Variants in CELSR3 observed in about 807,000 individuals in gnomAD.
CELSR3 encodes EGF-like protein 1.
A neutral mutation model predicts 270.0 loss-of-function variants in CELSR3; 73 were observed. The ratio of observed to expected loss-of-function variants is 0.27; its 90% CI spans 0.22 to 0.33. The LOEUF (loss-of-function observed/expected upper bound fraction) is 0.33. CELSR3 is among the 10% of genes least tolerant of loss of function. The pLI, the probability that CELSR3 is intolerant of heterozygous loss-of-function variation, is 1.00. For missense variants in CELSR3, 3,614 were observed against 4,533.8 expected, an observed-to-expected ratio of 0.80 and a Z score of 5.83; for synonymous variants, 1,780 against 1,905.4, an observed-to-expected ratio of 0.93 and a Z score of 1.71.
chr3:48,648,878 C>A lies in CELSR3; in HGVS notation c.6618G>T (p.Lys2206Asn). ...CCTCCCGTAGCCGCTGAGCCAGCTT[C>A]TTGGCCTCCATGGTATCCAGTGCCG... is the stretch of plus-strand genomic sequence containing the variant. ...NKTALDTMEAKKLAQRLREVT... is the reference protein window; with the variant it reads ...NKTALDTMEANKLAQRLREVT... Residue 2206 changes from lysine (K) to asparagine (N), a missense_variant, in exon 18 of 35, where the codon AAG (lysine) becomes AAT (asparagine). This residue lies in a region of CELSR3 where 1,331 missense variants were observed against 1,933.7 expected (regional missense o/e 0.69). Coordinates refer to ENST00000164024, the MANE Select transcript of CELSR3 (RefSeq NM_001407.3). 1 of 1,612,916 alleles carries A rather than the reference C, an allele frequency of 6.2e-7. No individual in the cohort carries two copies. The highest frequency in any genetic ancestry group is 8.5e-7 in the Non-Finnish European group (1 of 1,180,012).
At position 48,639,533 on chromosome 3, in the gene CELSR3, C is replaced by T. The variant is rs2047002554; in HGVS notation, c.9911+141G>A. The T allele has an allele frequency of 8.9e-7, 1 of 1,124,344 alleles. No homozygotes were observed. The highest frequency in any genetic ancestry group is 1.5e-5 in the South Asian group (1 of 65,360). 69.6% of individuals were successfully genotyped at this position (1,124,344 alleles called of 1,614,324 possible). A position where few individuals can be genotyped will look rare whatever the true frequency, so the allele number is the denominator to read the frequency against. On this transcript the variant is annotated intron_variant, in intron 34 of 34. Transcript: ENST00000164024. This position sits in a 1 kb window ranked among gnomAD's most constrained non-coding sequence, Gnocchi z 4.1. Reference sequence around the variant, plus strand: ...CCAGATTCCTGTCCCCAGCCTGTGGCCCTCTGGCTGTGCTGAGCCTGGGGT... The same window carrying T: ...CCAGATTCCTGTCCCCAGCCTGTGGTCCTCTGGCTGTGCTGAGCCTGGGGT...
Position 48,640,186 on chromosome 3 carries a change from G to A in CELSR3, c.9399C>T (p.Ala3133=). Residue 3133 remains alanine (A), a synonymous_variant, in exon 34 of 35, where the codon GCC becomes GCT. Coordinates refer to ENST00000164024, the MANE Select transcript of CELSR3 (RefSeq NM_001407.3). The surrounding 1 kb of genome is among the most constrained non-coding windows in gnomAD (Gnocchi z 7.5). ...RRQPPRDYPG[A]MAGRFGSRDA... is the part of the protein sequence containing the mutation. The stretch of plus-strand genomic sequence containing the variant: ...CCCGTGACCCGAAGCGGCCAGCCAT[G>A]GCGCCAGGGTAGTCCCGAGGTGGCT... 1.2e-6 allele frequency: 2 copies of A among 1,612,758 alleles called. No homozygotes were observed. Among genetic ancestry groups the A allele is most frequent in the Non-Finnish European group, 1.7e-6 (2 of 1,179,956 alleles).
rs376842368 is a variant in CELSR3, at chr3:48,648,933, C to A, written c.6568-5G>T. On this transcript the variant is annotated splice_region_variant and splice_polypyrimidine_tract_variant and intron_variant, in intron 17 of 34. Transcript: ENST00000164024. ...GTTCAGCTCTAGGCCATCCAGCTGC[C>A]AAGACAAGGAGATGGTTGCTCTGTG... 6.2e-7 allele frequency: 1 copy of A among 1,612,614 alleles called. No individual in the cohort carries two copies. Among genetic ancestry groups the A allele is most frequent in the South Asian group, 1.1e-5 (1 of 91,056 alleles).
At position 48,659,501 on chromosome 3, in the gene CELSR3, G is replaced by A; in HGVS notation, c.3134C>T (p.Pro1045Leu). 1.2e-6 allele frequency: 2 copies of A among 1,614,148 alleles called. No homozygotes were observed. The highest frequency in any genetic ancestry group is 1.7e-5 in the Admixed American group (1 of 60,018). The change falls in exon 1 of 35, where the codon CCC (proline) becomes CTC (leucine). Residue 1045 changes from proline (P) to leucine (L), a missense_variant. Physicochemically the swap from Pro to Leu is moderately conservative, Grantham distance 98. This residue lies in a region of CELSR3 where 1,331 missense variants were observed against 1,933.7 expected (regional missense o/e 0.69). Transcript: ENST00000164024. This position sits in a 1 kb window ranked among gnomAD's most constrained non-coding sequence, Gnocchi z 8.1. ...GATACTGACTGGAGTCCGGAGTGGG[G>A]GCACACCTCTGTCCACTGCGTAGGC... ...LTAYAVDRGVPPLRTPVSIQV... is the reference protein window; with the variant it reads ...LTAYAVDRGVLPLRTPVSIQV...
At chr3:48,648,507 G>A (rs1215511218) in intron 18 of CELSR3, 46 bp from the exon 19 acceptor site, 1 of 1,483,292 alleles carries the variant, frequency 6.7e-7, no homozygotes, top group Non-Finnish European at 8.9e-7. Flanking sequence ...TGGTGAGGAT[G>A]TATGAGGGGA....
At chr3:48,648,155 A>G in intron 19 of CELSR3, 111 bp downstream of exon 19, 1 of 1,412,240 alleles carries the variant, frequency 7.1e-7, no homozygotes, top group Admixed American at 1.9e-5. Context: ...GCGGTGGCTG[A>G]GTCTCCTGCC....
rs996323780 is a variant in CELSR3 at position 48,655,682 on chromosome 3, C to T, written c.4741+54G>A. ...GAAGCAAACCTGAGGGGACTTGGGC[C>T]CTGCGTCCTCCAGCACACACGCACC... On this transcript the variant is annotated intron_variant, in intron 4 of 34. Coordinates refer to ENST00000164024, the MANE Select transcript of CELSR3 (RefSeq NM_001407.3). The surrounding 1 kb of genome is among the most constrained non-coding windows in gnomAD (Gnocchi z 5.8). The T allele has an allele frequency of 1.0e-5, 15 of 1,464,828 alleles. No individual in the cohort carries two copies. Among genetic ancestry groups the T allele is most frequent in the Middle Eastern group, 1.7e-4 (1 of 5,786 alleles). The allele number at this position is 1,464,828 out of a possible 1,614,324, so 90.7% of individuals were successfully genotyped here. A position where few individuals can be genotyped will look rare whatever the true frequency, so the allele number is the denominator to read the frequency against.
chr3:48,648,504 G>A, intron 18 of CELSR3, 43 bp from the exon 19 acceptor site: 1 of 1,485,460 alleles, frequency 6.7e-7, no homozygotes, highest in East Asian at 2.5e-5. Context: ...AGGTGGTGAG[G>A]ATGTATGAGG....
chr3:48,646,244 G>A lies in CELSR3; in HGVS notation c.7309C>T (p.Pro2437Ser). The A allele has an allele frequency of 6.2e-7, 1 of 1,611,336 alleles. No homozygotes were observed. Among genetic ancestry groups the A allele is most frequent in the Non-Finnish European group, 8.5e-7 (1 of 1,178,946 alleles). ...CTGACCACCGGGGAGTTCATGACGG[G>A]GTTCTGAGGAAGCCTGGGGAGACAC... ...ERRGARLPQN[P>S]VMNSPVVSVA... Residue 2437 changes from proline (P) to serine (S), a missense_variant, in exon 22 of 35, where the codon CCC becomes TCC. Physicochemically the swap from Pro to Ser is moderately conservative, Grantham distance 74. Around this residue, in one of 7 missense-constraint regions of CELSR3, gnomAD observed 1,240 missense variants for 1,351.7 expected, o/e 0.92. Transcript: ENST00000164024. The surrounding 1 kb of genome is among the most constrained non-coding windows in gnomAD (Gnocchi z 4.8).
chr3:48,643,019 G>A lies in CELSR3; in HGVS notation c.8354C>T (p.Ala2785Val). 4 of 1,612,872 alleles carry A rather than the reference G, an allele frequency of 2.5e-6. 1 individual carries two copies. The South Asian group carries it at 3.3e-5, about 13-fold the overall frequency. Residue 2785 changes from alanine to valine, a missense_variant, in exon 29 of 35, where the codon GCC (alanine) becomes GTC (valine). By Grantham distance (64) the Ala-to-Val change is moderately conservative. Coordinates refer to ENST00000164024, the MANE Select transcript of CELSR3 (RefSeq NM_001407.3). Reference sequence around the variant, plus strand: ...AGGCGCTGCCTTCCTGCCCAGACAGGCTGGCATCCAGGCAGCCCGAGCATC... The same window carrying A: ...AGGCGCTGCCTTCCTGCCCAGACAGACTGGCATCCAGGCAGCCCGAGCATC... ...NADARAAWMP[A>V]CLGRKAAPEE...
At position 48,661,251 on chromosome 3, in the gene CELSR3, C is replaced by G; in HGVS notation, c.1384G>C (p.Ala462Pro). 1 of 1,608,784 alleles carries G rather than the reference C, an allele frequency of 6.2e-7. No individual in the cohort carries two copies. The highest frequency in any genetic ancestry group is 8.5e-7 in the Non-Finnish European group (1 of 1,176,878). Residue 462 changes from alanine to proline, a missense_variant, in exon 1 of 35, where the codon GCG (alanine) becomes CCG (proline). Coordinates refer to ENST00000164024, the MANE Select transcript of CELSR3 (RefSeq NM_001407.3). ...TAGCGCAGGTTGGCGTTGGGGGGCG[C>G]GTCGCCGTCAGTGGCACGCAGCTGC... ...ILQLRATDGD[A>P]PPNANLRYRF...
At chr3:48,647,777 A>C in intron 20 of CELSR3, 64 bp downstream of exon 20, 1 of 1,541,050 alleles carries the variant, frequency 6.5e-7, no homozygotes, top group Non-Finnish European at 8.8e-7. Flanking sequence ...GGAGGGCAAC[A>C]TAGTATCTGG....
At position 48,642,486 on chromosome 3, in the gene CELSR3, C is replaced by A. The variant is rs1170566922; in HGVS notation, c.8556-19G>T. ...ATTGTCCCTGGAAAAGCAGGAGCCC[C>A]CCCACCATGAAAGAGGGATGTGATG... On this transcript the variant is annotated intron_variant, in intron 30 of 34. Transcript: ENST00000164024. The surrounding 1 kb of genome is among the most constrained non-coding windows in gnomAD (Gnocchi z 6.1). 1 of 1,608,126 alleles carries A rather than the reference C, an allele frequency of 6.2e-7. No individual in the cohort carries two copies. Among genetic ancestry groups the A allele is most frequent in the Admixed American group, 1.7e-5 (1 of 59,300 alleles).
chr3:48,638,149 T>G lies in CELSR3; in HGVS notation c.*56A>C. 2 of 1,534,564 alleles carry G rather than the reference T, an allele frequency of 1.3e-6. No individual in the cohort carries two copies. The highest frequency in any genetic ancestry group is 1.8e-6 in the Non-Finnish European group (2 of 1,108,040). ...CTGCCCCCACTCCTGGAGTCTCTCCTGTTAGCCTAGATCCTCTGTCGCCCT... is the reference window on the plus strand; with the variant it reads ...CTGCCCCCACTCCTGGAGTCTCTCCGGTTAGCCTAGATCCTCTGTCGCCCT... On this transcript the variant is annotated 3_prime_UTR_variant, in exon 35 of 35. Transcript: ENST00000164024.
At position 48,644,438 on chromosome 3, in the gene CELSR3, G is replaced by T. The variant is rs1441183936; in HGVS notation, c.8086-143C>A. On this transcript the variant is annotated intron_variant, in intron 26 of 34. Coordinates refer to ENST00000164024, the MANE Select transcript of CELSR3 (RefSeq NM_001407.3). This position sits in a 1 kb window ranked among gnomAD's most constrained non-coding sequence, Gnocchi z 4.8. ...TCACACATATACACACACACCAAAG[G>T]AGCTTAGCATCACAGAAAAAGAAAT... 1 of 748,784 alleles carries T rather than the reference G, an allele frequency of 1.3e-6. No individual in the cohort carries two copies. The allele number at this position is 748,784 out of a possible 1,614,324, so 46.4% of individuals were successfully genotyped here.
chr3:48,646,951 T>C lies in CELSR3; in HGVS notation c.7130-23A>G. ...GAACTGCCAGGAGAGAAGGAGGAGC[T>C]TCTGTCAGTGACCTTTGACCCAAAG... On this transcript the variant is annotated intron_variant, in intron 20 of 34. Transcript: ENST00000164024. The surrounding 1 kb of genome is among the most constrained non-coding windows in gnomAD (Gnocchi z 4.8). 6.7e-7 allele frequency: 1 copy of C among 1,499,326 alleles called. No homozygotes were observed. 92.9% of individuals were successfully genotyped at this position (1,499,326 alleles called of 1,614,324 possible).
Position 48,646,746 on chromosome 3 carries a change from G to C in CELSR3, c.7295+17C>G, listed in dbSNP as rs779422211. On this transcript the variant is annotated intron_variant, in intron 21 of 34. Transcript: ENST00000164024. The surrounding 1 kb of genome is among the most constrained non-coding windows in gnomAD (Gnocchi z 4.8). ...TGAGAAGTTCGTAGGAAGCTCAGGGGTGAGGGGCCTGAGTACCTGGCACCT... is the reference window on the plus strand; with the variant it reads ...TGAGAAGTTCGTAGGAAGCTCAGGGCTGAGGGGCCTGAGTACCTGGCACCT... 6.2e-7 allele frequency: 1 copy of C among 1,605,610 alleles called. No homozygotes were observed. Among genetic ancestry groups the C allele is most frequent in the Non-Finnish European group, 8.5e-7 (1 of 1,177,276 alleles).
In CELSR3 at chr3:48,653,115, C is replaced by A; in HGVS notation, c.5521G>T (p.Val1841Leu). ...GRASHLLLDQ[V>L]TVSDGRWHDL... ...TGCCACCGGCCATCACTGACAGTCACCTGGTCCAGAAGGAGATGGGAAGCA... is the reference window on the plus strand; with the variant it reads ...TGCCACCGGCCATCACTGACAGTCAACTGGTCCAGAAGGAGATGGGAAGCA... The change falls in exon 10 of 35, where the codon GTG (valine) becomes TTG (leucine). Residue 1841 changes from valine (V) to leucine (L), a missense_variant. Transcript: ENST00000164024. The surrounding 1 kb of genome is among the most constrained non-coding windows in gnomAD (Gnocchi z 6.5). 6.2e-7 allele frequency: 1 copy of A among 1,613,402 alleles called. No homozygotes were observed. The highest frequency in any genetic ancestry group is 1.3e-5 in the African/African-American group (1 of 75,052).
intron 2 of CELSR3, 93 bp downstream of exon 2, chr3:48,656,605 C>A: frequency 2.1e-6 from 3 of 1,402,816 alleles, no homozygotes; most frequent in Non-Finnish European, 2.8e-6. Flanking sequence ...AGGCCGTGGC[C>A]TCAGAAGTGA....
Sources: allele counts gnomAD v4.1 joint callset, GRCh38; gene constraint gnomAD v4.1.1; regional missense constraint gnomAD v4.1.1; non-coding constraint Gnocchi (gnomAD v3.1); transcripts MANE v1.5; gene names NCBI Gene and HGNC (gene_info 2026-07-23, HGNC 2026-07-21).